The following RFTN1 variants were observed in gnomAD, a reference collection of about 807,000 sequenced individuals.
The protein encoded by RFTN1 is raftlin.
Under a neutral mutation model 46.5 loss-of-function variants are expected in RFTN1, and 26 were observed. The observed-to-expected ratio is 0.56, with a 90% CI of 0.41 to 0.78. The LOEUF is 0.78. Ranked by LOEUF, RFTN1 falls within the 30% of genes least tolerant of loss-of-function variation. RFTN1 has a pLI of 0.00. For synonymous variants in RFTN1, 261 were observed against 284.2 expected, an observed-to-expected ratio of 0.92 and a Z score of 0.82; for missense variants, 693 against 718.7, an observed-to-expected ratio of 0.96 and a Z score of 0.41.
Position 16,376,613 on chromosome 3 carries a change from A to G in RFTN1, c.826+1105T>C, listed in dbSNP as rs1313431091. On this transcript the variant is annotated intron_variant, in intron 5 of 9. Coordinates refer to ENST00000334133, the MANE Select transcript of RFTN1 (RefSeq NM_015150.2). This position sits in a 1 kb window ranked among gnomAD's most constrained non-coding sequence, Gnocchi z 4.7. ...TGAGGGCAGCAGGCATGTGCCTCAA[A>G]CAGCGAAAAATCACACAGATGAAGG... Among the ~76,000 whole-genome samples, 1 of 152,238 alleles carries G rather than the reference A, an allele frequency of 6.6e-6. No homozygotes were observed. The highest frequency in any genetic ancestry group is 1.5e-5 in the Non-Finnish European group (1 of 68,038).
chr3:16,505,077 A>G (rs925586750), intron 1 of RFTN1, among the ~76,000 whole-genome samples: 18 of 152,022 alleles, frequency 1.2e-4, no homozygotes, highest in African/African-American at 4.1e-4. Context: ...ACAGCTACCA[A>G]CGCTTTCCTG....
intron 7 of RFTN1, among the ~76,000 whole-genome samples, chr3:16,357,503 T>G (rs758844557): frequency 6.6e-6 from 1 of 152,222 alleles, no homozygotes; most frequent in Non-Finnish European, 1.5e-5. Flanking sequence ...CTTAAAAGGC[T>G]TATTGTGCAG....
At chr3:16,420,070 C>T (rs1233299960) in intron 3 of RFTN1, among the ~76,000 whole-genome samples, 4 of 152,198 alleles carry the variant, frequency 2.6e-5, no homozygotes, top group Non-Finnish European at 1.5e-5. Context: ...ACTGTCAGGG[C>T]TGGCTCCCTG....
In RFTN1 at chr3:16,344,638, C is replaced by CA. The variant is rs1205605009; in HGVS notation, c.1146+13293dup. 1.3e-5 allele frequency among the ~76,000 whole-genome samples: 2 copies of CA among 152,132 alleles called. No individual in the cohort carries two copies. Among genetic ancestry groups the CA allele is most frequent in the Non-Finnish European group, 2.9e-5 (2 of 68,024 alleles). ...GTCCACCACCTTCTAGATCACTGCA[C>CA]AAGCCCCTGAAAAAGATGTGAAACA... On this transcript the variant is annotated intron_variant, in intron 7 of 9. Coordinates refer to ENST00000334133, the MANE Select transcript of RFTN1 (RefSeq NM_015150.2). This position sits in a 1 kb window ranked among gnomAD's most constrained non-coding sequence, Gnocchi z 4.4.
intron 1 of RFTN1, among the ~76,000 whole-genome samples, chr3:16,501,990 T>G (rs1330627233): frequency 6.6e-6 from 1 of 152,210 alleles, no homozygotes; most frequent in Admixed American, 6.5e-5. Flanking sequence ...AAATCCATAC[T>G]TTTGAAAAAC....
chr3:16,502,484 C>A (rs1230179793), intron 1 of RFTN1, among the ~76,000 whole-genome samples: 1 of 152,124 alleles, frequency 6.6e-6, no homozygotes, highest in Non-Finnish European at 1.5e-5. Flanking sequence ...GTATTCACAC[C>A]CTTGTGTGGT....
At chr3:16,476,243 A>T (rs1461835305) in intron 2 of RFTN1, among the ~76,000 whole-genome samples, 2 of 152,222 alleles carry the variant, frequency 1.3e-5, no homozygotes, top group African/African-American at 4.8e-5. Flanking sequence ...CTTTACAGAA[A>T]GCTGGTGTGC....
At chr3:16,324,599 A>C (rs2069469032) in intron 8 of RFTN1, among the ~76,000 whole-genome samples, 1 of 142,552 alleles carries the variant, frequency 7.0e-6, no homozygotes, top group African/African-American at 2.7e-5. Flanking sequence ...GTAATAAATA[A>C]CAGAATGTCC....
intron 2 of RFTN1, among the ~76,000 whole-genome samples, chr3:16,491,286 G>A (rs1265585228): frequency 6.6e-6 from 1 of 152,132 alleles, no homozygotes; most frequent in Non-Finnish European, 1.5e-5. Flanking sequence ...AGGAGGCCTG[G>A]CAGGTTCACA....
chr3:16,343,510 G>GTCACTT (rs1461955484), intron 7 of RFTN1, among the ~76,000 whole-genome samples: 1 of 152,110 alleles, frequency 6.6e-6, no homozygotes, highest in Non-Finnish European at 1.5e-5. Context: ...CCGCATCACT[G>GTCACTT]TCACTTTCAC....
At chr3:16,350,401 C>A (rs542591) in intron 7 of RFTN1, 109,216 of 152,012 alleles carry the variant, frequency 0.72, 39,317 homozygotes, top group Non-Finnish European at 0.74. Context: ...CATGGATGGG[C>A]GTGGGCATTT....
intron 7 of RFTN1, among the ~76,000 whole-genome samples, chr3:16,332,046 T>C (rs1260972783): frequency 1.3e-5 from 2 of 152,326 alleles, no homozygotes; most frequent in African/African-American, 4.8e-5. Context: ...GGATTTTTTT[T>C]TTCTCCCCTA....
intron 5 of RFTN1, among the ~76,000 whole-genome samples, chr3:16,371,691 G>C (rs1338301683): frequency 1.3e-5 from 2 of 152,208 alleles, no homozygotes; most frequent in East Asian, 1.9e-4. Flanking sequence ...AACAATTAGG[G>C]AAGGAAGGTG....
chr3:16,438,757 G>A (rs1033254202), intron 2 of RFTN1, among the ~76,000 whole-genome samples: 2 of 152,078 alleles, frequency 1.3e-5, no homozygotes, highest in African/African-American at 4.8e-5. Context: ...GATCACGTGG[G>A]ATGATGTGTG....
rs1162501859 is a variant in RFTN1, at chr3:16,400,755, T to C, written c.441+8620A>G. Among the ~76,000 whole-genome samples the C allele has an allele frequency of 4.6e-5, 7 of 152,122 alleles. No homozygotes were observed. On this transcript the variant is annotated intron_variant, in intron 4 of 9. Transcript: ENST00000334133. This position sits in a 1 kb window ranked among gnomAD's most constrained non-coding sequence, Gnocchi z 4.5. ...TGGACAGAACAGGAAGATCACAGGC[T>C]AATAAAAATAGCAAGAGGACAGAGG...
chr3:16,325,158 G>A (rs941045607), intron 8 of RFTN1, among the ~76,000 whole-genome samples: 2 of 152,192 alleles, frequency 1.3e-5, no homozygotes, highest in Admixed American at 6.5e-5. Flanking sequence ...TAGCGGCTAG[G>A]CTGGGTGAAT....
Position 16,377,832 on chromosome 3 carries a change from T to G in RFTN1, c.712A>C (p.Ser238Arg), listed in dbSNP as rs777578782. 40 of 1,614,030 alleles carry G rather than the reference T, an allele frequency of 2.5e-5. No homozygotes were observed. In the Admixed American group the frequency reaches 4.3e-4, roughly 17 times the overall value. ...RGEVPLAKQP[S>R]SPSGEGDGGE... ...CCATCTCCCTCTCCGGAGGGTGAGC[T>G]GGGCTGCTTGGCGAGGGGCACCTCC... Residue 238 changes from serine to arginine, a missense_variant, in exon 5 of 10, where the codon AGC (serine) becomes CGC (arginine). By Grantham distance (110) the Ser-to-Arg change is moderately radical (BLOSUM62 -1). Coordinates refer to ENST00000334133, the MANE Select transcript of RFTN1 (RefSeq NM_015150.2).
rs914641565 is a variant in RFTN1 at position 16,448,043 on chromosome 3, C to T, written c.146-14006G>A. On this transcript the variant is annotated intron_variant, in intron 2 of 9. Coordinates refer to ENST00000334133, the MANE Select transcript of RFTN1 (RefSeq NM_015150.2). This position sits in a 1 kb window ranked among gnomAD's most constrained non-coding sequence, Gnocchi z 4.1. ...GGAGCCACCAGCCACATGTGGCTAT[C>T]GAGCATCTGAAATGTGGCCAGTGTG... 5.3e-5 allele frequency among the ~76,000 whole-genome samples: 8 copies of T among 151,340 alleles called. No individual in the cohort carries two copies. Among genetic ancestry groups the T allele is most frequent in the African/African-American group, 1.7e-4 (7 of 41,144 alleles).
intron 1 of RFTN1, among the ~76,000 whole-genome samples, chr3:16,510,853 CAAAG>C (rs1010722980): frequency 2.6e-5 from 4 of 151,776 alleles, no homozygotes; most frequent in African/African-American, 7.3e-5. Context: ...TCACAATAAC[CAAAG>C]AAAGAAAGAA....
Sources: allele counts gnomAD v4.1 joint callset (sites outside exome capture counted in the v4.1 genomes callset), GRCh38; gene constraint gnomAD v4.1.1; non-coding constraint Gnocchi (gnomAD v3.1); transcripts MANE v1.5; gene names NCBI Gene and HGNC (gene_info 2026-07-23, HGNC 2026-07-21).